DIAPH2: variants seen among roughly 807,000 people sequenced by gnomAD.
The protein encoded by DIAPH2 is protein diaphanous homolog 2.
Under a neutral mutation model 92.7 loss-of-function variants are expected in DIAPH2, and 35 were observed. That is an observed-to-expected ratio of 0.38 (90% CI 0.29 to 0.50). DIAPH2 has a LOEUF of 0.50. Ranked by LOEUF, DIAPH2 falls within the 20% of genes least tolerant of loss-of-function variation. The pLI is 0.94. For missense variants in DIAPH2, 701 were observed against 819.5 expected (o/e 0.86, Z 1.77); for synonymous variants, 301 against 280.4 (o/e 1.07, Z -0.73).
chrX:97,384,526 G>A (rs1053118277), intron 25 of DIAPH2, among the ~76,000 whole-genome samples: 1 of 111,834 alleles, frequency 8.9e-6, no homozygotes, highest in Non-Finnish European at 1.9e-5. Context: ...ATCTTGCACA[G>A]CTATAAACCT....
chrX:97,531,756 C>T (rs1423921076), intron 26 of DIAPH2, among the ~76,000 whole-genome samples: 1 of 111,735 alleles, frequency 8.9e-6, no homozygotes, highest in African/African-American at 3.2e-5. Context: ...TTTATTAGTC[C>T]ATCACCATTT....
At chrX:97,443,575 A>G (rs1011405470) in intron 26 of DIAPH2, among the ~76,000 whole-genome samples, 3 of 111,980 alleles carry the variant, frequency 2.7e-5, no homozygotes, top group Admixed American at 9.5e-5. Flanking sequence ...GATGGAGGAA[A>G]TAGAAATTGT....
chrX:97,481,457 AGAT>A (rs1472939232), intron 26 of DIAPH2, among the ~76,000 whole-genome samples: 1 of 111,841 alleles, frequency 8.9e-6, no homozygotes, highest in Non-Finnish European at 1.9e-5. Flanking sequence ...AGTCAGACCA[AGAT>A]GATAAGATAT....
At chrX:97,451,646 A>C (rs991572365) in intron 26 of DIAPH2, among the ~76,000 whole-genome samples, 1 of 111,837 alleles carries the variant, frequency 8.9e-6, no homozygotes, top group Admixed American at 9.5e-5. Context: ...GCAATGATTT[A>C]TGGGGTGCTT....
chrX:96,884,081 A>G (rs902178745), intron 5 of DIAPH2: 2 of 385,147 alleles, frequency 5.2e-6, no homozygotes, highest in African/African-American at 5.1e-5. Flanking sequence ...TCAGGTGAGA[A>G]GGTGGCCGAC....
At chrX:96,930,656 G>A in intron 9 of DIAPH2, 77 bp from the exon 10 acceptor site, 2 of 695,648 alleles carry the variant, frequency 2.9e-6, no homozygotes, top group Non-Finnish European at 4.4e-6. Flanking sequence ...TATGCCTTTA[G>A]TGAATATATT....
At chrX:97,390,367 A>T (rs2069647244) in intron 25 of DIAPH2, among the ~76,000 whole-genome samples, 1 of 107,810 alleles carries the variant, frequency 9.3e-6, no homozygotes. Flanking sequence ...ATATAGGCAC[A>T]CACCACCATG....
At chrX:97,111,802 C>T (rs2066982427) in intron 20 of DIAPH2, among the ~76,000 whole-genome samples, 1 of 111,924 alleles carries the variant, frequency 8.9e-6, no homozygotes, top group East Asian at 2.8e-4. Context: ...GCCCAAAGGC[C>T]TGCATTCAAA....
chrX:96,982,462 G>A (rs1463769100), intron 17 of DIAPH2, among the ~76,000 whole-genome samples: 1 of 112,227 alleles, frequency 8.9e-6, no homozygotes, highest in Admixed American at 9.4e-5. Flanking sequence ...GGAATGTGTT[G>A]TTTCCTAGCA....
intron 20 of DIAPH2, among the ~76,000 whole-genome samples, chrX:97,103,392 C>T (rs2066918474): frequency 9.0e-6 from 1 of 111,030 alleles, no homozygotes; most frequent in African/African-American, 3.3e-5. Context: ...CAGTTTTTTT[C>T]AAAGATCAGT....
chrX:97,498,087 A>G (rs1449058223), intron 26 of DIAPH2, among the ~76,000 whole-genome samples: 1 of 111,591 alleles, frequency 9.0e-6, no homozygotes, highest in Non-Finnish European at 1.9e-5. Flanking sequence ...CCCTGCTGGT[A>G]GTCTTCCTTT....
chrX:97,300,744 A>G (rs1231943562), intron 23 of DIAPH2, among the ~76,000 whole-genome samples: 16 of 88,863 alleles, frequency 1.8e-4, no homozygotes, highest in Non-Finnish European at 3.3e-4. Context: ...CATCCTGGCT[A>G]ACACGGTGAA....
Position 97,599,889 on chromosome X carries a change from T to C in DIAPH2, c.*572T>C, listed in dbSNP as rs41304482. ...GAGTTATTTAGAATTTTATCTCAAG[T>C]GAAAGCTGATGGATTCATCTGCTTT... is the stretch of plus-strand genomic sequence containing the variant. On this transcript the variant is annotated 3_prime_UTR_variant, in exon 27 of 27. Transcript: ENST00000324765. 3 of 112,567 alleles carry C rather than the reference T, an allele frequency of 2.7e-5. No individual in the cohort carries two copies. The highest frequency in any genetic ancestry group is 5.6e-5 in the Non-Finnish European group (3 of 53,208). 9.3% of individuals were successfully genotyped at this position (112,567 alleles called of 1,213,427 possible). A position where few individuals can be genotyped will look rare whatever the true frequency, so the allele number is the denominator to read the frequency against.
At chrX:96,817,620 G>A (rs1425860225) in intron 4 of DIAPH2, among the ~76,000 whole-genome samples, 2 of 111,269 alleles carry the variant, frequency 1.8e-5, no homozygotes, top group Non-Finnish European at 3.8e-5. Context: ...CGGTTCTGGA[G>A]GCTGGAAGTC....
intron 22 of DIAPH2, among the ~76,000 whole-genome samples, chrX:97,194,453 T>A (rs1356315925): frequency 9.1e-6 from 1 of 109,764 alleles, no homozygotes; most frequent in South Asian, 4.0e-4. Flanking sequence ...GGCTAATTTC[T>A]TTTTGTATTT....
chrX:96,940,631 C>G (rs114027189), intron 12 of DIAPH2, among the ~76,000 whole-genome samples: 5,680 of 111,594 alleles, frequency 0.051, 368 homozygotes, highest in African/African-American at 0.18. Flanking sequence ...ATAGTTCAGA[C>G]CAGTACAGTA....
intron 4 of DIAPH2, among the ~76,000 whole-genome samples, chrX:96,822,396 A>G (rs780169739): frequency 8.9e-6 from 1 of 111,859 alleles, no homozygotes; most frequent in Non-Finnish European, 1.9e-5. Context: ...ACTTGAATAC[A>G]TTGTGCCCTG....
At chrX:96,778,496 G>A (rs189483375) in intron 4 of DIAPH2, among the ~76,000 whole-genome samples, 5 of 109,529 alleles carry the variant, frequency 4.6e-5, no homozygotes, top group African/African-American at 1.7e-4. Context: ...TCTCTCTTAC[G>A]AACAGGGACT....
intron 3 of DIAPH2, among the ~76,000 whole-genome samples, chrX:96,757,818 A>G (rs773373369): frequency 8.9e-6 from 1 of 112,079 alleles, no homozygotes; most frequent in East Asian, 2.8e-4. Flanking sequence ...ATTTGCTATC[A>G]AGATAAATAA....
Sources: gnomAD v4.1 joint callset for allele counts (sites outside exome capture counted in the v4.1 genomes callset) on GRCh38, gnomAD v4.1.1 for gene constraint, MANE v1.5 for transcripts, NCBI Gene and HGNC (gene_info 2026-07-23, HGNC 2026-07-21) for gene names.